CUL7: variants seen among roughly 807,000 people sequenced by gnomAD.
CUL7 encodes cullin-7.
In CUL7, 96 loss-of-function variants were observed where a neutral mutation model predicts 177.7. The observed-to-expected ratio is 0.54, with a 90% CI of 0.46 to 0.64. The LOEUF is 0.64. Ranked by LOEUF, CUL7 falls within the 30% of genes least tolerant of loss-of-function variation. The pLI is 0.00. For missense variants in CUL7, 1,893 were observed against 2,187.9 expected, an observed-to-expected ratio of 0.87 and a Z score of 2.69; for synonymous variants, 824 against 890.2, an observed-to-expected ratio of 0.93 and a Z score of 1.32.
Position 43,045,925 on chromosome 6 carries a change from A to C in CUL7, c.2766+61T>G. Reference sequence around the variant, plus strand: ...AGAAAAAAGTAGGATAGGGCCAGATAGAAGCAGGAGGGCAGATCCTGTGAG... The same window carrying C: ...AGAAAAAAGTAGGATAGGGCCAGATCGAAGCAGGAGGGCAGATCCTGTGAG... On this transcript the variant is annotated intron_variant, in intron 13 of 25. Coordinates refer to ENST00000265348, the MANE Select transcript of CUL7 (RefSeq NM_014780.5). This position sits in a 1 kb window ranked among gnomAD's most constrained non-coding sequence, Gnocchi z 4.8. The C allele has an allele frequency of 7.2e-7, 1 of 1,382,088 alleles. No individual in the cohort carries two copies. The highest frequency in any genetic ancestry group is 1.0e-6 in the Non-Finnish European group (1 of 972,824). 85.6% of individuals were successfully genotyped at this position (1,382,088 alleles called of 1,614,324 possible).
rs558259124 is a variant in CUL7 at position 43,051,887 on chromosome 6, A to G, written c.581-124T>C. On this transcript the variant is annotated intron_variant, in intron 2 of 25. Coordinates refer to ENST00000265348, the MANE Select transcript of CUL7 (RefSeq NM_014780.5). The surrounding 1 kb of genome is among the most constrained non-coding windows in gnomAD (Gnocchi z 5.0). The stretch of plus-strand genomic sequence containing the variant: ...CAATGAGAAAGAACTGATTTGCTTC[A>G]AAAGCTAAAATTTGCTAACTTATAC... 6.8e-6 allele frequency: 9 copies of G among 1,333,268 alleles called. No individual in the cohort carries two copies. The South Asian group carries it at 1.1e-4, about 16-fold the overall frequency. 82.6% of individuals were successfully genotyped at this position (1,333,268 alleles called of 1,614,324 possible).
chr6:43,047,801 A>G (rs1581943256), intron 9 of CUL7: 2 of 297,680 alleles, frequency 6.7e-6, no homozygotes, highest in Non-Finnish European at 1.3e-5. Flanking sequence ...GAGAGTGGCA[A>G]GATCACACAT....
chr6:43,042,003 CAAAA>C (rs201127168), intron 19 of CUL7, among the ~76,000 whole-genome samples: 5,431 of 53,282 alleles, frequency 0.1, 164 homozygotes, highest in African/African-American at 0.23. Context: ...GACTCCGTCT[CAAAA>C]AAAAAAAAAA....
Position 43,050,900 on chromosome 6 carries a change from T to A in CUL7, c.1233+68A>T. The stretch of plus-strand genomic sequence containing the variant: ...GGTGGCCTGCTGGAGCCCCCCCATA[T>A]AGAAGTCCCAGCTCTGCCCTACCCC... On this transcript the variant is annotated intron_variant, in intron 4 of 25. Transcript: ENST00000265348. The surrounding 1 kb of genome is among the most constrained non-coding windows in gnomAD (Gnocchi z 4.1). 1 of 1,586,332 alleles carries A rather than the reference T, an allele frequency of 6.3e-7. No homozygotes were observed. The highest frequency in any genetic ancestry group is 1.3e-5 in the African/African-American group (1 of 74,468).
At position 43,038,574 on chromosome 6, in the gene CUL7, A is replaced by G. The variant is rs930623764; in HGVS notation, c.4559T>C (p.Ile1520Thr). The G allele has an allele frequency of 1.2e-6, 2 of 1,614,004 alleles. No individual in the cohort carries two copies. Among genetic ancestry groups the G allele is most frequent in the Non-Finnish European group, 1.7e-6 (2 of 1,180,002 alleles). ...GPLDLHEQKDIPGGVLKIRDG... is the reference protein window; with the variant it reads ...GPLDLHEQKDTPGGVLKIRDG... ...TGGCCCTAAGTGCATACCTCCTGGT[A>G]TATCCTTTTGCTCGTGAAGGTCCAG... The change falls in exon 24 of 26, where the codon ATA becomes ACA. Residue 1520 changes from isoleucine to threonine, a missense_variant. Transcript: ENST00000265348.
In CUL7 at chr6:43,053,702, G is replaced by A; in HGVS notation, c.-89C>T. On this transcript the variant is annotated 5_prime_UTR_variant, in exon 1 of 26. Transcript: ENST00000265348. This position sits in a 1 kb window ranked among gnomAD's most constrained non-coding sequence, Gnocchi z 4.1. ...GCGGCACAGACGCTGGCGGCGACTT[G>A]GGCCCCACCTGGGCCCCGCGAGGGG... The A allele has an allele frequency of 7.0e-7, 1 of 1,419,488 alleles. No homozygotes were observed. Among genetic ancestry groups the A allele is most frequent in the Non-Finnish European group, 9.2e-7 (1 of 1,092,230 alleles). 87.9% of individuals were successfully genotyped at this position (1,419,488 alleles called of 1,614,324 possible).
Position 43,046,911 on chromosome 6 carries a change from A to G in CUL7, c.2366T>C (p.Leu789Pro). 1 of 1,610,910 alleles carries G rather than the reference A, an allele frequency of 6.2e-7. No homozygotes were observed. The highest frequency in any genetic ancestry group is 1.3e-5 in the African/African-American group (1 of 74,894). The change falls in exon 10 of 26, where the codon CTC becomes CCC. Residue 789 changes from leucine to proline, a missense_variant. Coordinates refer to ENST00000265348, the MANE Select transcript of CUL7 (RefSeq NM_014780.5). ...CEKHAHLYRK[L>P]ITNILGGCIQ... ...GCAGCCTCCCAGGATGTTGGTGATGAGTTTGCGGTAGAGGTGGGCATGCTT... is the reference window on the plus strand; with the variant it reads ...GCAGCCTCCCAGGATGTTGGTGATGGGTTTGCGGTAGAGGTGGGCATGCTT...
Position 43,052,632 on chromosome 6 carries a change from C to G in CUL7, c.157G>C (p.Gly53Arg). ...TTGCAGTCCACTTGGCCAGAGCCCC[C>G]GTCCCCCTCATCGCCACGCCGCAGG... ...LILRRGDEGDGGSGQVDCKAE... is the reference protein window; with the variant it reads ...LILRRGDEGDRGSGQVDCKAE... The change falls in exon 2 of 26, where the codon GGG (glycine) becomes CGG (arginine). Residue 53 changes from glycine to arginine, a missense_variant. This residue lies in a region of CUL7 where 653 missense variants were observed against 725.2 expected (regional missense o/e 0.90). Transcript: ENST00000265348. The surrounding 1 kb of genome is among the most constrained non-coding windows in gnomAD (Gnocchi z 4.5). 1.2e-6 allele frequency: 2 copies of G among 1,614,250 alleles called. No individual in the cohort carries two copies. The highest frequency in any genetic ancestry group is 1.7e-6 in the Non-Finnish European group (2 of 1,180,046).
Position 43,050,607 on chromosome 6 carries a change from G to C in CUL7, c.1234-209C>G, listed in dbSNP as rs1020871892. On this transcript the variant is annotated intron_variant, in intron 4 of 25. Transcript: ENST00000265348. This position sits in a 1 kb window ranked among gnomAD's most constrained non-coding sequence, Gnocchi z 4.1. The stretch of plus-strand genomic sequence containing the variant: ...ACACACACACACACACACACACACA[G>C]GATGCCTTCTCCTTTGGGGGATGGG... Among the ~76,000 whole-genome samples, 39 of 120,280 alleles carry C rather than the reference G, an allele frequency of 3.2e-4. 1 individual carries two copies. The highest frequency in any genetic ancestry group is 3.7e-4 in the Non-Finnish European group (20 of 54,262). 78.9% of individuals were successfully genotyped at this position (120,280 alleles called of 152,430 possible). A position where few individuals can be genotyped will look rare whatever the true frequency, so the allele number is the denominator to read the frequency against.
In CUL7 at chr6:43,039,068, G is replaced by A. The variant is rs191382580; in HGVS notation, c.4295-81C>T. ...TGGAGGGAGGGTGCACGCTGGTCAC[G>A]CTCTGTTTATCTCTGCAAGGCGTGT... On this transcript the variant is annotated intron_variant, in intron 22 of 25. Transcript: ENST00000265348. 1,706 of 922,292 alleles carry A rather than the reference G, an allele frequency of 1.8e-3. 15 individuals are homozygous for A. The highest frequency in any genetic ancestry group is 7.6e-4 in the Non-Finnish European group (427 of 559,360). The allele number at this position is 922,292 out of a possible 1,614,324, so 57.1% of individuals were successfully genotyped here.
chr6:43,037,985 C>G lies in CUL7; in HGVS notation c.4800G>C (p.Pro1600=), dbSNP rs948105626. The G allele has an allele frequency of 1.9e-6, 3 of 1,594,514 alleles. No homozygotes were observed. The highest frequency in any genetic ancestry group is 2.6e-6 in the Non-Finnish European group (3 of 1,169,036). The change falls in exon 26 of 26, where the codon CCG becomes CCC. Residue 1600 remains proline, a synonymous_variant. Coordinates refer to ENST00000265348, the MANE Select transcript of CUL7 (RefSeq NM_014780.5). The part of the protein sequence containing the change: ...CLVLEAWQKG[P]CPPRGLVSSL... Reference sequence around the variant, plus strand: ...TGCTGACCAAACCCCTGGGAGGACACGGGCCCTTCTGCCAAGCCTCCAGCA... The same window carrying G: ...TGCTGACCAAACCCCTGGGAGGACAGGGGCCCTTCTGCCAAGCCTCCAGCA...
In CUL7 at chr6:43,049,454, T is replaced by C; in HGVS notation, c.1778A>G (p.Asp593Gly). 4 of 1,614,208 alleles carry C rather than the reference T, an allele frequency of 2.5e-6. No individual in the cohort carries two copies. Among genetic ancestry groups the C allele is most frequent in the Non-Finnish European group, 3.4e-6 (4 of 1,180,038 alleles). ...LEAQEDVLLL[D>G]AQAQAKDSED... ...TGAGTCCTTAGCCTGGGCCTGCGCG[T>C]CTAGCAGGAGGACATCTTCTTGGGC... Residue 593 changes from aspartate to glycine, a missense_variant, in exon 7 of 26, where the codon GAC (aspartate) becomes GGC (glycine). Coordinates refer to ENST00000265348, the MANE Select transcript of CUL7 (RefSeq NM_014780.5).
chr6:43,038,793 CAAGGGACA>C (rs1266860096), intron 23 of CUL7, 41 bp downstream of exon 23: 1 of 1,614,018 alleles, frequency 6.2e-7, no homozygotes, highest in Non-Finnish European at 8.5e-7. Flanking sequence ...GGAAGAGAGG[CAAGGGACA>C]AAGTGGGAGA....
rs200468701 is a variant in CUL7, at chr6:43,052,241, C to T, written c.548G>A (p.Arg183Gln). The T allele has an allele frequency of 1.0e-4, 169 of 1,614,092 alleles. No homozygotes were observed. The highest frequency in any genetic ancestry group is 3.3e-4 in the Middle Eastern group (2 of 6,084). ...PDYQIRWSAG[R>Q]MIQALSSHDA... Reference sequence around the variant, plus strand: ...ATGGGAGGACAGGGCTTGTATCATCCGGCCTGCACTCCAGCGAATCTGATA... The same window carrying T: ...ATGGGAGGACAGGGCTTGTATCATCTGGCCTGCACTCCAGCGAATCTGATA... Residue 183 changes from arginine (R) to glutamine (Q), a missense_variant, in exon 2 of 26, where the codon CGG becomes CAG. Physicochemically the swap from Arg to Gln is conservative, Grantham distance 43. Coordinates refer to ENST00000265348, the MANE Select transcript of CUL7 (RefSeq NM_014780.5). The surrounding 1 kb of genome is among the most constrained non-coding windows in gnomAD (Gnocchi z 4.5).
In CUL7 at chr6:43,038,285, A is replaced by G. The variant is rs1185768913; in HGVS notation, c.4755T>C (p.Ile1585=). 1.9e-6 allele frequency: 3 copies of G among 1,614,006 alleles called. No individual in the cohort carries two copies. The highest frequency in any genetic ancestry group is 2.5e-6 in the Non-Finnish European group (3 of 1,180,014). Residue 1585 remains isoleucine, a synonymous_variant, in exon 25 of 26, where the codon ATT becomes ATC. Coordinates refer to ENST00000265348, the MANE Select transcript of CUL7 (RefSeq NM_014780.5). Reference sequence around the variant, plus strand: ...TGCCTACCAGACAGACAAGCTGGTCAATGTGCAGCCCCTCATCTCCATGGG... The same window carrying G: ...TGCCTACCAGACAGACAAGCTGGTCGATGTGCAGCCCCTCATCTCCATGGG... ...LKAHGDEGLH[I]DQLVCLVLEA...
At chr6:43,038,090 C>T (rs1262805047) in intron 25 of CUL7, 79 bp from the exon 26 acceptor site, 1 of 1,523,264 alleles carries the variant, frequency 6.6e-7, no homozygotes, top group Non-Finnish European at 8.8e-7. Flanking sequence ...CTCCAACCAC[C>T]AGCTGCTAGG....
Position 43,046,600 on chromosome 6 carries a change from A to G in CUL7, c.2399T>C (p.Met800Thr). The G allele has an allele frequency of 1.9e-6, 3 of 1,614,156 alleles. No individual in the cohort carries two copies. Among genetic ancestry groups the G allele is most frequent in the Non-Finnish European group, 2.5e-6 (3 of 1,179,996 alleles). Residue 800 changes from methionine to threonine, a missense_variant and splice_region_variant, in exon 11 of 26, where the codon ATG becomes ACG. Coordinates refer to ENST00000265348, the MANE Select transcript of CUL7 (RefSeq NM_014780.5). ...GTGGTCTTCGATCTGGCCCAGCACC[A>G]TCTGCAGCCAGAACATCAGAGAGAA... ...ITNILGGCIQ[M>T]VLGQIEDHRR...
rs768017303 is a variant in CUL7 at position 43,038,387 on chromosome 6, T to A, written c.4653A>T (p.Gln1551His). The A allele has an allele frequency of 2.5e-6, 4 of 1,614,200 alleles. No homozygotes were observed. Among genetic ancestry groups the A allele is most frequent in the Non-Finnish European group, 1.7e-6 (2 of 1,180,026 alleles). The change falls in exon 25 of 26, where the codon CAA (glutamine) becomes CAT (histidine). Residue 1551 changes from glutamine (Q) to histidine (H), a missense_variant. Physicochemically the swap from Gln to His is conservative, Grantham distance 24. This residue lies in a region of CUL7 where 248 missense variants were observed against 262.5 expected (regional missense o/e 0.94). Coordinates refer to ENST00000265348, the MANE Select transcript of CUL7 (RefSeq NM_014780.5). ...AGTTCTGGCCGTCTTCACCCTCAGC[T>A]TGCAGGTACGTCTGAGGTGGGATGA... ...VRLIPPQTYL[Q>H]AEGEDGQNLE...
At chr6:43,042,060 A>G (rs1763476063) in intron 19 of CUL7, among the ~76,000 whole-genome samples, 1 of 146,982 alleles carries the variant, frequency 6.8e-6, no homozygotes. Flanking sequence ...AGAAAGAGAA[A>G]GAGAGAAAGA....
Sources: gnomAD v4.1 joint callset for allele counts (sites outside exome capture counted in the v4.1 genomes callset) on GRCh38, gnomAD v4.1.1 for gene constraint, gnomAD v4.1.1 regional missense constraint, Gnocchi (gnomAD v3.1) non-coding constraint, MANE v1.5 for transcripts, NCBI Gene and HGNC (gene_info 2026-07-23, HGNC 2026-07-21) for gene names.